Variants in TYW1B observed in about 807,000 individuals in gnomAD.
TYW1B encodes the protein S-adenosyl-L-methionine-dependent tRNA 4-demethylwyosine synthase TYW1B.
Under a neutral mutation model 86.9 loss-of-function variants are expected in TYW1B, and 73 were observed. That is an observed-to-expected ratio of 0.84 (90% CI 0.70 to 1.02). The LOEUF (loss-of-function observed/expected upper bound fraction) is 1.02, where lower values mean the gene tolerates loss of function less well. TYW1B is among the 50% of genes least tolerant of loss of function. The probability of loss-of-function intolerance (pLI) is 0.00; values close to 1 mark genes in which losing one functional copy is unlikely to be tolerated. For synonymous variants in TYW1B, 248 were observed against 292.8 expected, an observed-to-expected ratio of 0.85 and a Z score of 1.56; for missense variants, 637 against 827.4, an observed-to-expected ratio of 0.77 and a Z score of 2.82.
In TYW1B at chr7:72,711,473, C is replaced by CTTTTTTTTTTTTTTTTTTTTTTTT. The variant is rs59438928; in HGVS notation, c.1370+2124_1370+2147dup. Among the ~76,000 whole-genome samples the CTTTTTTTTTTTTTTTTTTTTTTTT allele has an allele frequency of 3.5e-5, 2 of 56,948 alleles. 1 individual carries two copies. Among genetic ancestry groups the CTTTTTTTTTTTTTTTTTTTTTTTT allele is most frequent in the Admixed American group, 6.1e-4 (2 of 3,280 alleles). 37.4% of individuals were successfully genotyped at this position (56,948 alleles called of 152,430 possible). A position where few individuals can be genotyped will look rare whatever the true frequency, so the allele number is the denominator to read the frequency against. On this transcript the variant is annotated intron_variant, in intron 10 of 13. Transcript: ENST00000620995. The stretch of plus-strand genomic sequence containing the variant: ...CTTCGTGTTTCTCTCCTCTTTAATT[C>CTTTTTTTTTTTTTTTTTTTTTTTT]TTTTTTTTTTTTTTTTTTTTTTTTT...
intron 8 of TYW1B, among the ~76,000 whole-genome samples, chr7:72,731,888 C>G (rs1387942183): frequency 6.6e-6 from 1 of 151,988 alleles, no homozygotes; most frequent in Non-Finnish European, 1.5e-5. Context: ...TGCAGTGAAC[C>G]GAGATTGTGC....
At chr7:72,825,266 C>G (rs1266353451) in intron 2 of TYW1B, among the ~76,000 whole-genome samples, 1 of 152,104 alleles carries the variant, frequency 6.6e-6, no homozygotes, top group Admixed American at 6.6e-5. Context: ...ACACTGTTCC[C>G]CCCCAAAAAA....
intron 11 of TYW1B, among the ~76,000 whole-genome samples, chr7:72,649,308 C>T (rs1447890744): frequency 1.3e-5 from 2 of 152,154 alleles, no homozygotes; most frequent in African/African-American, 2.4e-5. Context: ...AAGGGCTACT[C>T]TATATACTTT....
chr7:72,630,054 G>C (rs1360165581), intron 11 of TYW1B, among the ~76,000 whole-genome samples: 1 of 152,092 alleles, frequency 6.6e-6, no homozygotes, highest in South Asian at 2.1e-4. Flanking sequence ...CGAGGCAGGG[G>C]GATCACCTGA....
chr7:72,685,325 CA>C (rs1340341399), intron 11 of TYW1B, among the ~76,000 whole-genome samples: 2 of 151,184 alleles, frequency 1.3e-5, no homozygotes, highest in Admixed American at 1.3e-4. Context: ...CTCAAAACCA[CA>C]AAAGAAAAAA....
rs1788293010 is a variant in TYW1B, at chr7:72,795,632, ATC to A, written c.846+6766_846+6767del. On this transcript the variant is annotated intron_variant, in intron 6 of 13. Coordinates refer to ENST00000620995, the MANE Select transcript of TYW1B (RefSeq NM_001145440.3). ...GGTTGGTGTAGGTGGGAATCACCTG[ATC>A]TCTCCATTTGTAAAGGCACATTGTT... 4.0e-5 allele frequency among the ~76,000 whole-genome samples: 6 copies of A among 148,284 alleles called. No individual in the cohort carries two copies. In the South Asian group the frequency reaches 1.3e-3, roughly 32 times the overall value.
At chr7:72,764,683 A>G (rs1787743308) in intron 7 of TYW1B, among the ~76,000 whole-genome samples, 1 of 152,156 alleles carries the variant, frequency 6.6e-6, no homozygotes, top group South Asian at 2.1e-4. Context: ...GGTGCATAAA[A>G]CTGTTAATGG....
At chr7:72,758,505 A>G (rs1393220418) in intron 7 of TYW1B, among the ~76,000 whole-genome samples, 3 of 151,816 alleles carry the variant, frequency 2.0e-5, no homozygotes, top group Non-Finnish European at 4.4e-5. Context: ...TCTGGTTCAC[A>G]TAATTGGTGT....
At chr7:72,776,449 T>G (rs1787955048) in intron 7 of TYW1B, among the ~76,000 whole-genome samples, 1 of 147,680 alleles carries the variant, frequency 6.8e-6, no homozygotes, top group Non-Finnish European at 1.5e-5. Context: ...TAGTCCCAGC[T>G]GCTCAGGAGG....
chr7:72,718,622 G>A (rs1481688044), intron 9 of TYW1B, among the ~76,000 whole-genome samples: 17 of 152,152 alleles, frequency 1.1e-4, no homozygotes, highest in African/African-American at 2.9e-4. Context: ...AGTATTTTTG[G>A]ATGGATGAAT....
At chr7:72,635,769 G>C (rs1812652263) in intron 11 of TYW1B, among the ~76,000 whole-genome samples, 1 of 152,156 alleles carries the variant, frequency 6.6e-6, no homozygotes, top group Non-Finnish European at 1.5e-5. Flanking sequence ...TAAGTTCACA[G>C]GTGAAATTTT....
chr7:72,694,669 A>C lies in TYW1B; in HGVS notation c.1506+18T>G, dbSNP rs781814841. ...CCTGAGGGTTGTTTATTTATTTTTA[A>C]GATGTCATAATTCTTACCTTGACTG... On this transcript the variant is annotated intron_variant, in intron 11 of 13. Coordinates refer to ENST00000620995, the MANE Select transcript of TYW1B (RefSeq NM_001145440.3). The C allele has an allele frequency of 1.5e-5, 24 of 1,589,476 alleles. No individual in the cohort carries two copies. Among genetic ancestry groups the C allele is most frequent in the Non-Finnish European group, 2.0e-5 (24 of 1,173,778 alleles).
chr7:72,746,689 G>A (rs1285593013), intron 7 of TYW1B, among the ~76,000 whole-genome samples: 1 of 152,086 alleles, frequency 6.6e-6, no homozygotes, highest in Non-Finnish European at 1.5e-5. Flanking sequence ...AGAGACCAGA[G>A]ATCTCTCTGC....
intron 8 of TYW1B, among the ~76,000 whole-genome samples, chr7:72,741,510 A>G (rs1404517881): frequency 9.9e-5 from 15 of 152,208 alleles, no homozygotes; most frequent in African/African-American, 3.4e-4. Flanking sequence ...ACCATCAAGC[A>G]TACCAACATA....
At chr7:72,644,665 A>T (rs1392605344) in intron 11 of TYW1B, among the ~76,000 whole-genome samples, 6 of 152,156 alleles carry the variant, frequency 3.9e-5, no homozygotes, top group Non-Finnish European at 7.4e-5. Context: ...ATTCTTTTTT[A>T]AAAAAATAAA....
chr7:72,686,638 C>T (rs1353512990), intron 11 of TYW1B, among the ~76,000 whole-genome samples: 3 of 152,146 alleles, frequency 2.0e-5, no homozygotes, highest in Non-Finnish European at 4.4e-5. Context: ...ATACATGTCA[C>T]TATACATTTG....
intron 11 of TYW1B, among the ~76,000 whole-genome samples, chr7:72,660,995 C>A (rs1469754116): frequency 6.7e-6 from 1 of 148,926 alleles, no homozygotes; most frequent in African/African-American, 2.5e-5. Context: ...ATTAGCTAGG[C>A]GTGGTGGCAC....
intron 13 of TYW1B, among the ~76,000 whole-genome samples, chr7:72,579,581 C>A (rs1554429314): frequency 2.6e-5 from 4 of 152,222 alleles, no homozygotes. Context: ...CTTTGTCCCA[C>A]ATGGCCTTTT....
At chr7:72,580,497 A>C (rs1424475134) in intron 13 of TYW1B, among the ~76,000 whole-genome samples, 13 of 152,206 alleles carry the variant, frequency 8.5e-5, no homozygotes, top group Non-Finnish European at 1.5e-4. Flanking sequence ...TTAAAAACAC[A>C]CAAGCGCAAT....
Sources: allele counts gnomAD v4.1 joint callset (sites outside exome capture counted in the v4.1 genomes callset), GRCh38; gene constraint gnomAD v4.1.1; transcripts MANE v1.5; gene names NCBI Gene and HGNC (gene_info 2026-07-23, HGNC 2026-07-21).